IRAK3: variants seen among roughly 807,000 people sequenced by gnomAD.
IRAK3 encodes the protein interleukin-1 receptor-associated kinase 3.
Under a neutral mutation model 56.6 loss-of-function variants are expected in IRAK3, and 57 were observed. That is an observed-to-expected ratio of 1.01 (90% CI 0.81 to 1.26). The LOEUF (loss-of-function observed/expected upper bound fraction) is 1.26, where lower values mean the gene tolerates loss of function less well. Ranked by LOEUF, IRAK3 falls within the 50% of genes most tolerant of loss-of-function variation. IRAK3 has a pLI of 0.00. For missense variants in IRAK3, 703 were observed against 719.0 expected, an observed-to-expected ratio of 0.98 and a Z score of 0.25; for synonymous variants, 258 against 255.7, an observed-to-expected ratio of 1.01 and a Z score of -0.09.
chr12:66,248,127 T>G lies in IRAK3; in HGVS notation c.1747T>G (p.Ser583Ala). The G allele has an allele frequency of 6.2e-7, 1 of 1,612,252 alleles. No homozygotes were observed. The highest frequency in any genetic ancestry group is 8.5e-7 in the Non-Finnish European group (1 of 1,179,366). The part of the protein sequence containing the change: ...RSRPVESSCS[S>A]KFSWDEYEQY... ...CAGGCCAGTGGAGAGCAGCTGTTCC[T>G]CCAAATTTTCCTGGGATGAATATGA... is the stretch of plus-strand genomic sequence containing the variant. Residue 583 changes from serine (S) to alanine (A), a missense_variant, in exon 12 of 12, where the codon TCC becomes GCC. Ser to Ala is a moderately conservative substitution (Grantham distance 99). Transcript: ENST00000261233.
At chr12:66,206,667 G>A (rs974817686) in intron 2 of IRAK3, among the ~76,000 whole-genome samples, 1 of 152,112 alleles carries the variant, frequency 6.6e-6, no homozygotes, top group African/African-American at 2.4e-5. Context: ...AAGAGGTATT[G>A]GTCTGTTGTT....
intron 1 of IRAK3, among the ~76,000 whole-genome samples, chr12:66,190,626 CTCTCTT>C (rs1313495361): frequency 1.3e-5 from 2 of 152,182 alleles, no homozygotes; most frequent in Non-Finnish European, 2.9e-5. Flanking sequence ...AGATTATTCT[CTCTCTT>C]TCTGTTGATA....
intron 8 of IRAK3, among the ~76,000 whole-genome samples, chr12:66,238,825 A>G (rs754832054): frequency 6.6e-6 from 1 of 152,238 alleles, no homozygotes; most frequent in Non-Finnish European, 1.5e-5. Flanking sequence ...AACTCTTCAA[A>G]GAGAATGTTA....
chr12:66,225,428 A>G (rs962691654), intron 6 of IRAK3, among the ~76,000 whole-genome samples: 10 of 152,038 alleles, frequency 6.6e-5, no homozygotes, highest in African/African-American at 2.4e-4. Context: ...AAGAGGAAGA[A>G]AAGGAATCAG....
chr12:66,198,048 G>A (rs1352793146), intron 1 of IRAK3: 3 of 985,086 alleles, frequency 3.0e-6, no homozygotes, highest in African/African-American at 1.7e-5. Context: ...GGCAATTGTT[G>A]TGAGCTAGAA....
intron 1 of IRAK3, among the ~76,000 whole-genome samples, chr12:66,196,342 G>C (rs1303449841): frequency 6.6e-6 from 1 of 152,210 alleles, no homozygotes; most frequent in Non-Finnish European, 1.5e-5. Flanking sequence ...CTTTGATAAA[G>C]CACTGTAAAT....
chr12:66,198,995 C>T (rs1444860298), intron 1 of IRAK3, among the ~76,000 whole-genome samples: 1 of 152,016 alleles, frequency 6.6e-6, no homozygotes, highest in Non-Finnish European at 1.5e-5. Context: ...TGGGCTCAAG[C>T]GATGCTCTTG....
intron 1 of IRAK3, among the ~76,000 whole-genome samples, chr12:66,195,540 A>G (rs547613338): frequency 6.6e-6 from 1 of 152,222 alleles, no homozygotes; most frequent in South Asian, 2.1e-4. Context: ...CTCCAACCAC[A>G]TTAGCCTCCT....
rs767487026 is a variant in IRAK3, at chr12:66,226,826, T to C, written c.757T>C (p.Leu253=). The change falls in exon 7 of 12, where the codon TTG becomes CTG. Residue 253 remains leucine (L), a synonymous_variant. Coordinates refer to ENST00000261233, the MANE Select transcript of IRAK3 (RefSeq NM_007199.3). ...YMRNGTLFDR[L]QCVGDTAPLP... ...GAGAAATGGAACACTTTTTGACAGA[T>C]TGCAGTGTGTAGTAAGTTCTATCTA... 37 of 1,552,064 alleles carry C rather than the reference T, an allele frequency of 2.4e-5. No individual in the cohort carries two copies. In the South Asian group the frequency reaches 3.2e-4, roughly 14 times the overall value.
intron 1 of IRAK3, among the ~76,000 whole-genome samples, chr12:66,189,774 A>G (rs2052382123): frequency 6.6e-6 from 1 of 152,186 alleles, no homozygotes. Flanking sequence ...GGTCCTTGCA[A>G]AATCACCCCA....
intron 6 of IRAK3, among the ~76,000 whole-genome samples, chr12:66,223,346 A>G (rs1318812820): frequency 1.3e-5 from 2 of 152,020 alleles, no homozygotes; most frequent in Non-Finnish European, 2.9e-5. Context: ...TTTATGTTAT[A>G]GTTTTTGCCA....
rs777603604 is a variant in IRAK3 at position 66,210,184 on chromosome 12, C to T, written c.419C>T (p.Pro140Leu). 5 of 1,602,546 alleles carry T rather than the reference C, an allele frequency of 3.1e-6. No individual in the cohort carries two copies. The highest frequency in any genetic ancestry group is 4.3e-6 in the Non-Finnish European group (5 of 1,170,122). ...GTCACCGTGGATAATGTTCTTATTCCTGAACATAATGAAAAAGGTATGAAA... is the reference window on the plus strand; with the variant it reads ...GTCACCGTGGATAATGTTCTTATTCTTGAACATAATGAAAAAGGTATGAAA... ...ANVTVDNVLI[P>L]EHNEKGILLK... Residue 140 changes from proline to leucine, a missense_variant, in exon 4 of 12, where the codon CCT becomes CTT. Pro to Leu is a moderately conservative substitution (Grantham distance 98). Coordinates refer to ENST00000261233, the MANE Select transcript of IRAK3 (RefSeq NM_007199.3).
At chr12:66,199,939 G>T (rs987728729) in intron 1 of IRAK3, among the ~76,000 whole-genome samples, 1 of 152,132 alleles carries the variant, frequency 6.6e-6, no homozygotes, top group African/African-American at 2.4e-5. Flanking sequence ...CTTTGCCTCT[G>T]TGAAACATCA....
intron 1 of IRAK3, among the ~76,000 whole-genome samples, chr12:66,195,794 T>A (rs1426357660): frequency 6.6e-6 from 1 of 152,136 alleles, no homozygotes; most frequent in Non-Finnish European, 1.5e-5. Flanking sequence ...CGAGTGGGAT[T>A]ACAGGCGCCT....
rs115565074 is a variant in IRAK3, at chr12:66,213,443, A to G, written c.588+1846A>G. 3.5e-3 allele frequency among the ~76,000 whole-genome samples: 535 copies of G among 152,342 alleles called. 7 individuals carry two copies. The highest frequency in any genetic ancestry group is 0.013 in the African/African-American group (524 of 41,578). Reference sequence around the variant, plus strand: ...TTGGAAAAGGAGGAACAATTGAGACAGTAAAATATGGTGTCTGGGTGTTTG... The same window carrying G: ...TTGGAAAAGGAGGAACAATTGAGACGGTAAAATATGGTGTCTGGGTGTTTG... On this transcript the variant is annotated intron_variant, in intron 5 of 11. Transcript: ENST00000261233.
intron 6 of IRAK3, among the ~76,000 whole-genome samples, chr12:66,226,066 AT>A (rs2052782254): frequency 6.6e-6 from 1 of 152,230 alleles, no homozygotes; most frequent in Non-Finnish European, 1.5e-5. Flanking sequence ...TGTCTTTCAT[AT>A]TGATAAAAAT....
chr12:66,209,586 T>G, intron 3 of IRAK3, 66 bp downstream of exon 3: 2 of 1,020,952 alleles, frequency 2.0e-6, no homozygotes, highest in South Asian at 2.5e-5. Context: ...GCATAAGGAA[T>G]GAAATTAGCA....
At chr12:66,193,645 TG>T (rs2136910952) in intron 1 of IRAK3, among the ~76,000 whole-genome samples, 1 of 81,282 alleles carries the variant, frequency 1.2e-5, no homozygotes, top group South Asian at 3.2e-4. Flanking sequence ...GAGTATTGGT[TG>T]GAACTTATCC....
chr12:66,247,211 A>G (rs1284964273), intron 11 of IRAK3, among the ~76,000 whole-genome samples: 1 of 152,176 alleles, frequency 6.6e-6, no homozygotes, highest in Admixed American at 6.5e-5. Context: ...CGTAGGTTGC[A>G]GTTAGCCGAG....
Sources: allele counts gnomAD v4.1 joint callset (sites outside exome capture counted in the v4.1 genomes callset), GRCh38; gene constraint gnomAD v4.1.1; transcripts MANE v1.5; gene names NCBI Gene and HGNC (gene_info 2026-07-23, HGNC 2026-07-21).